Variants in RSRC1 observed in about 807,000 individuals in gnomAD.
The protein encoded by RSRC1 is serine/Arginine-related protein 53.
Under a neutral mutation model 49.1 loss-of-function variants are expected in RSRC1, and 39 were observed. The observed-to-expected ratio is 0.79, with a 90% confidence interval of 0.61 to 1.04. The LOEUF (loss-of-function observed/expected upper bound fraction) is 1.04, where lower values mean the gene tolerates loss of function less well. Ranked by LOEUF, RSRC1 falls within the 50% of genes least tolerant of loss-of-function variation. RSRC1 has a pLI of 0.00. For synonymous variants in RSRC1, 143 were observed against 130.8 expected (o/e 1.09, Z -0.63); for missense variants, 388 against 402.4 (o/e 0.96, Z 0.31).
At chr3:158,464,779 C>T (rs1474665105) in intron 7 of RSRC1, among the ~76,000 whole-genome samples, 1 of 152,010 alleles carries the variant, frequency 6.6e-6, no homozygotes, top group Non-Finnish European at 1.5e-5. Flanking sequence ...TCATCATGAA[C>T]TCTATACGGT....
intron 6 of RSRC1, among the ~76,000 whole-genome samples, chr3:158,419,202 G>T (rs957004036): frequency 6.6e-6 from 1 of 151,996 alleles, no homozygotes; most frequent in South Asian, 2.1e-4. Context: ...ATAGGAATGT[G>T]TGAAATACTT....
intron 3 of RSRC1, among the ~76,000 whole-genome samples, chr3:158,174,974 C>T (rs569145492): frequency 3.9e-5 from 6 of 152,154 alleles, no homozygotes; most frequent in African/African-American, 1.4e-4. Context: ...ACATCCCTGC[C>T]AACATTTGCT....
chr3:158,159,545 T>C (rs1229361279), intron 3 of RSRC1, among the ~76,000 whole-genome samples: 2 of 152,178 alleles, frequency 1.3e-5, no homozygotes, highest in East Asian at 3.8e-4. Flanking sequence ...CAGTATCACA[T>C]TCAAGCCCTG....
At chr3:158,383,568 T>A (rs1390720817) in intron 6 of RSRC1, among the ~76,000 whole-genome samples, 4 of 152,144 alleles carry the variant, frequency 2.6e-5, no homozygotes, top group Non-Finnish European at 5.9e-5. Flanking sequence ...GGTGGTGCCA[T>A]GCATATACTT....
chr3:158,224,751 A>G (rs1248428188), intron 4 of RSRC1, among the ~76,000 whole-genome samples: 1 of 151,734 alleles, frequency 6.6e-6, no homozygotes, highest in Non-Finnish European at 1.5e-5. Flanking sequence ...AAATGATCTC[A>G]TCTATTGTAT....
intron 4 of RSRC1, among the ~76,000 whole-genome samples, chr3:158,266,540 G>T (rs1725188833): frequency 6.6e-6 from 1 of 152,060 alleles, no homozygotes; most frequent in African/African-American, 2.4e-5. Flanking sequence ...CTTGGCGGTT[G>T]TTGGGTGTAG....
chr3:158,206,789 C>T (rs1721366543), intron 4 of RSRC1, among the ~76,000 whole-genome samples: 2 of 152,070 alleles, frequency 1.3e-5, no homozygotes, highest in African/African-American at 4.8e-5. Flanking sequence ...TGGTGCGTGC[C>T]TGTAATCCCA....
intron 1 of RSRC1, among the ~76,000 whole-genome samples, chr3:158,116,121 G>A (rs1366631808): frequency 6.6e-6 from 1 of 152,148 alleles, no homozygotes; most frequent in African/African-American, 2.4e-5. Context: ...GATCTCGGAA[G>A]TTTTTAAGTA....
At chr3:158,452,475 T>G (rs775406602) in intron 6 of RSRC1, among the ~76,000 whole-genome samples, 22 of 152,194 alleles carry the variant, frequency 1.4e-4, no homozygotes, top group Non-Finnish European at 2.8e-4. Flanking sequence ...CAATAAAGTT[T>G]ACACATATGT....
intron 3 of RSRC1, among the ~76,000 whole-genome samples, chr3:158,173,927 T>A (rs960323690): frequency 9.9e-5 from 15 of 151,720 alleles, no homozygotes; most frequent in African/African-American, 3.6e-4. Context: ...CAAAATAGAT[T>A]AGTGATTGCC....
At chr3:158,207,996 T>G (rs556956549) in intron 4 of RSRC1, among the ~76,000 whole-genome samples, 1 of 152,296 alleles carries the variant, frequency 6.6e-6, no homozygotes, top group East Asian at 1.9e-4. Flanking sequence ...ATTTTATTTA[T>G]CTACAGATTT....
rs189523669 is a variant in RSRC1, at chr3:158,415,976, G to A, written c.584-44959G>A. 4.4e-3 allele frequency among the ~76,000 whole-genome samples: 670 copies of A among 151,514 alleles called. 6 individuals carry two copies. Among genetic ancestry groups the A allele is most frequent in the Non-Finnish European group, 5.3e-3 (358 of 67,854 alleles). On this transcript the variant is annotated intron_variant, in intron 6 of 9. Transcript: ENST00000611884. Reference sequence around the variant, plus strand: ...TGATAATATCTAGACTTATCTTTTTGTGTGTCATATTCTAAGTGTTCAGAA... The same window carrying A: ...TGATAATATCTAGACTTATCTTTTTATGTGTCATATTCTAAGTGTTCAGAA...
chr3:158,194,647 TC>T (rs199693726), intron 3 of RSRC1, among the ~76,000 whole-genome samples: 9,862 of 80,536 alleles, frequency 0.12, 245 homozygotes, highest in South Asian at 0.24. Flanking sequence ...TCCCTCCCCC[TC>T]CCCCCACCCC....
At chr3:158,286,049 C>G (rs1398719777) in intron 4 of RSRC1, among the ~76,000 whole-genome samples, 5 of 152,120 alleles carry the variant, frequency 3.3e-5, no homozygotes. Context: ...AATGTGTTAG[C>G]TATTTGTACA....
intron 6 of RSRC1, among the ~76,000 whole-genome samples, chr3:158,435,716 A>G (rs116305067): frequency 0.054 from 8,141 of 151,792 alleles, 318 homozygotes; most frequent in South Asian, 0.1. Context: ...GGAAGACTTT[A>G]CGCTTAGAAA....
intron 7 of RSRC1, among the ~76,000 whole-genome samples, chr3:158,475,460 A>C (rs1001094801): frequency 6.6e-6 from 1 of 152,180 alleles, no homozygotes; most frequent in Non-Finnish European, 1.5e-5. Flanking sequence ...GAAGGTTTGT[A>C]GCAACCCTGC....
chr3:158,184,492 G>A (rs1055296638), intron 3 of RSRC1, among the ~76,000 whole-genome samples: 1 of 152,086 alleles, frequency 6.6e-6, no homozygotes, highest in African/African-American at 2.4e-5. Flanking sequence ...CATGCCTGAG[G>A]CATCTTGCTT....
chr3:158,315,845 G>A (rs555094529), intron 5 of RSRC1, among the ~76,000 whole-genome samples: 9 of 151,974 alleles, frequency 5.9e-5, no homozygotes, highest in Non-Finnish European at 1.2e-4. Flanking sequence ...CCATTATTTT[G>A]ATGATTTAGT....
intron 4 of RSRC1, among the ~76,000 whole-genome samples, chr3:158,274,819 A>T (rs534647984): frequency 6.6e-6 from 1 of 152,286 alleles, no homozygotes; most frequent in Admixed American, 6.5e-5. Flanking sequence ...GGAACAAGAG[A>T]AATAACTGCA....
Sources: gnomAD v4.1 joint callset for allele counts (sites outside exome capture counted in the v4.1 genomes callset) on GRCh38, gnomAD v4.1.1 for gene constraint, MANE v1.5 for transcripts, NCBI Gene and HGNC (gene_info 2026-07-23, HGNC 2026-07-21) for gene names.